Variants in WASHC4 observed in about 807,000 individuals in gnomAD.
WASHC4 encodes the protein WASH complex subunit 7.
Under a neutral mutation model 166.6 loss-of-function variants are expected in WASHC4, and 86 were observed. The ratio of observed to expected loss-of-function variants is 0.52; its 90% confidence interval spans 0.43 to 0.62. The LOEUF (loss-of-function observed/expected upper bound fraction) is 0.62, where lower values mean the gene tolerates loss of function less well. WASHC4 is among the 20% of genes least tolerant of loss of function. The pLI is 0.00. For synonymous variants in WASHC4, 446 were observed against 451.6 expected (o/e 0.99, Z 0.16); for missense variants, 1,262 against 1,382.4 (o/e 0.91, Z 1.38).
chr12:105,133,782 T>C lies in WASHC4; in HGVS notation c.1212T>C (p.Ser404=). The C allele has an allele frequency of 6.2e-7, 1 of 1,612,440 alleles. No individual in the cohort carries two copies. The highest frequency in any genetic ancestry group is 1.1e-5 in the South Asian group (1 of 91,054). The part of the protein sequence containing the change: ...KAQSLTKDVQ[S]YYVFVSSWMM... ...TTTCCTTTGTTAGAGATGTACAGTC[T>C]TACTACGTCTTTGTGAGCTCATGGA... Residue 404 remains serine, a synonymous_variant, in exon 14 of 33, where the codon TCT becomes TCC. Coordinates refer to ENST00000332180, the MANE Select transcript of WASHC4 (RefSeq NM_015275.3).
chr12:105,112,076 G>A (rs1374901429), intron 2 of WASHC4, among the ~76,000 whole-genome samples: 2 of 114,706 alleles, frequency 1.7e-5, no homozygotes, highest in South Asian at 3.3e-4. Flanking sequence ...ACCTGCCCTA[G>A]GCAACCACCA....
At chr12:105,145,007 AT>A (rs1883181313) in intron 22 of WASHC4, 135 bp downstream of exon 22, 2 of 894,670 alleles carry the variant, frequency 2.2e-6, no homozygotes, top group South Asian at 1.7e-5. Context: ...ATAAAATCTT[AT>A]ACTTGACAAC....
intron 7 of WASHC4, among the ~76,000 whole-genome samples, chr12:105,120,155 A>G (rs1485344195): frequency 6.6e-6 from 1 of 152,248 alleles, no homozygotes; most frequent in Non-Finnish European, 1.5e-5. Flanking sequence ...GGTAATTGAG[A>G]AATTCTAATA....
chr12:105,146,556 T>A lies in WASHC4; in HGVS notation c.2409+30T>A, dbSNP rs771685103. The A allele has an allele frequency of 2.7e-5, 34 of 1,278,492 alleles. No individual in the cohort carries two copies. The Middle Eastern group carries it at 5.6e-4, about 21-fold the overall frequency. 79.2% of individuals were successfully genotyped at this position (1,278,492 alleles called of 1,614,324 possible). A position where few individuals can be genotyped will look rare whatever the true frequency, so the allele number is the denominator to read the frequency against. Reference sequence around the variant, plus strand: ...GTAGGGTTTATAAATTTTTTTTTTTTAATGTAGGTGGAGATAGTTGGAAGG... The same window carrying A: ...GTAGGGTTTATAAATTTTTTTTTTTAAATGTAGGTGGAGATAGTTGGAAGG... On this transcript the variant is annotated intron_variant, in intron 23 of 32. Transcript: ENST00000332180.
chr12:105,107,966 G>A (rs1879239396), intron 1 of WASHC4, 105 bp downstream of exon 1: 1 of 843,136 alleles, frequency 1.2e-6, no homozygotes, highest in Non-Finnish European at 2.0e-6. Flanking sequence ...GCAGCCGTCT[G>A]GTGCGGGACA....
intron 14 of WASHC4, among the ~76,000 whole-genome samples, chr12:105,134,984 C>A (rs895300072): frequency 6.6e-6 from 1 of 151,610 alleles, no homozygotes; most frequent in Non-Finnish European, 1.5e-5. Context: ...GTTCTTTTAG[C>A]GGTCACTCTA....
In WASHC4 at chr12:105,107,754, C is replaced by G. The variant is rs1001284330; in HGVS notation, c.-47C>G. The G allele has an allele frequency of 6.9e-7, 1 of 1,444,516 alleles. No individual in the cohort carries two copies. Among genetic ancestry groups the G allele is most frequent in the Admixed American group, 2.0e-5 (1 of 50,246 alleles). 89.5% of individuals were successfully genotyped at this position (1,444,516 alleles called of 1,614,324 possible). ...ACAGTAGCTGGGGTGAGGCCGTCGT[C>G]GCCGCACGGGCTGGTTGGGGCTGTG... is the stretch of plus-strand genomic sequence containing the variant. On this transcript the variant is annotated 5_prime_UTR_variant, in exon 1 of 33. Coordinates refer to ENST00000332180, the MANE Select transcript of WASHC4 (RefSeq NM_015275.3).
At chr12:105,108,620 C>T (rs1357918618) in intron 1 of WASHC4, among the ~76,000 whole-genome samples, 1 of 152,098 alleles carries the variant, frequency 6.6e-6, no homozygotes, top group Non-Finnish European at 1.5e-5. Flanking sequence ...ATATTGAGGC[C>T]AAATTAATTG....
At chr12:105,154,187 C>T (rs996080288) in intron 26 of WASHC4, among the ~76,000 whole-genome samples, 5 of 152,024 alleles carry the variant, frequency 3.3e-5, no homozygotes, top group East Asian at 3.9e-4. Flanking sequence ...CATGCCACCA[C>T]GTCCAGCCAA....
At chr12:105,148,393 A>G (rs1340143163) in intron 24 of WASHC4, 2 of 983,138 alleles carry the variant, frequency 2.0e-6, no homozygotes, top group Non-Finnish European at 2.4e-6. Context: ...TGTGTCAGGG[A>G]CTGTGCTGGG....
intron 26 of WASHC4, among the ~76,000 whole-genome samples, chr12:105,153,926 A>T (rs184646116): frequency 1.3e-5 from 2 of 152,138 alleles, no homozygotes; most frequent in Non-Finnish European, 2.9e-5. Context: ...GTGCCATCTA[A>T]TGTCACCTTG....
chr12:105,147,388 G>C (rs1883383366), intron 24 of WASHC4: 1 of 516,576 alleles, frequency 1.9e-6, no homozygotes, highest in Non-Finnish European at 3.5e-6. Flanking sequence ...ATTATAAATA[G>C]TGCTAGATAT....
intron 15 of WASHC4, 95 bp from the exon 16 acceptor site, chr12:105,140,199 A>G (rs1267423797): frequency 1.6e-5 from 15 of 912,330 alleles, no homozygotes; most frequent in Admixed American, 8.7e-5. Context: ...CTCATTTACA[A>G]ATCCCTTCCC....
In WASHC4 at chr12:105,133,878, A is replaced by G. The variant is rs1455090035; in HGVS notation, c.1308A>G (p.Arg436=). 1 of 1,612,052 alleles carries G rather than the reference A, an allele frequency of 6.2e-7. No homozygotes were observed. The highest frequency in any genetic ancestry group is 1.3e-5 in the African/African-American group (1 of 74,866). ...AATTTGCTGAAGATCTCACCAATAG[A>G]TGTAATGTTTTTATACAGGTAGTTG... ...MDKFAEDLTN[R]CNVFIQGFLY... is the part of the protein sequence containing the mutation. The change falls in exon 14 of 33, where the codon AGA becomes AGG. Residue 436 remains arginine (R), a synonymous_variant. Transcript: ENST00000332180.
chr12:105,122,063 T>G (rs2135741519), intron 9 of WASHC4, 55 bp from the exon 10 acceptor site: 2 of 1,343,984 alleles, frequency 1.5e-6, no homozygotes, highest in East Asian at 5.0e-5. Context: ...TTTTTAATTT[T>G]TAATTTAAGA....
At chr12:105,141,446 C>T (rs965160365) in intron 18 of WASHC4, among the ~76,000 whole-genome samples, 200 bp downstream of exon 18, 1 of 152,154 alleles carries the variant, frequency 6.6e-6, no homozygotes, top group Non-Finnish European at 1.5e-5. Flanking sequence ...AAGCATGTAG[C>T]CCCTAGAAAA....
intron 13 of WASHC4, among the ~76,000 whole-genome samples, chr12:105,127,870 A>G (rs941282960): frequency 2.6e-5 from 4 of 151,658 alleles, no homozygotes; most frequent in Non-Finnish European, 5.9e-5. Context: ...CTTATTTTTT[A>G]TCTCTTATTG....
At chr12:105,139,415 A>ATGTGTGTGTGTGTGTGTGTGTGTGTG (rs144001458) in intron 15 of WASHC4, among the ~76,000 whole-genome samples, 2 of 94,424 alleles carry the variant, frequency 2.1e-5, no homozygotes, top group East Asian at 3.4e-4. Context: ...GACTATATAT[A>ATGTGTGTGTGTGTGTGTGTGTGTGTG]TGTGTGTGTG....
chr12:105,143,094 C>G, intron 19 of WASHC4, 33 bp from the exon 20 acceptor site: 1 of 1,391,444 alleles, frequency 7.2e-7, no homozygotes. Context: ...CCTGGTTTTT[C>G]TAAATTCATG....
Sources: gnomAD v4.1 joint callset for allele counts (sites outside exome capture counted in the v4.1 genomes callset) on GRCh38, gnomAD v4.1.1 for gene constraint, MANE v1.5 for transcripts, NCBI Gene and HGNC (gene_info 2026-07-23, HGNC 2026-07-21) for gene names.